Variants in MYO16 observed in about 807,000 individuals in gnomAD.
The protein encoded by MYO16 is unconventional myosin-XVI.
Under a neutral mutation model 205.3 loss-of-function variants are expected in MYO16, and 94 were observed. The observed-to-expected ratio is 0.46, with a 90% CI of 0.39 to 0.54. The LOEUF is 0.54. Among genes scored for constraint, MYO16 ranks in the 20% least tolerant of loss-of-function variants. The pLI, the probability that MYO16 is intolerant of heterozygous loss-of-function variation, is 0.00. For synonymous variants in MYO16, 988 were observed against 954.0 expected (o/e 1.04, Z -0.66); for missense variants, 2,315 against 2,387.5 (o/e 0.97, Z 0.63).
At chr13:108,855,358 A>C (rs1042029071) in intron 10 of MYO16, 85 bp from the exon 11 acceptor site, 9 of 654,416 alleles carry the variant, frequency 1.4e-5, no homozygotes, top group Non-Finnish European at 1.7e-5. Flanking sequence ...AATGTTTGAC[A>C]GGTAATTGAA....
At chr13:108,549,628 T>G in the MYO16 span, among the ~76,000 whole-genome samples, 3 of 152,130 alleles carry the variant, frequency 2.0e-5, no homozygotes, top group African/African-American at 7.2e-5. Flanking sequence ...TTATGTTAAA[T>G]GCATGTGTGA....
chr13:108,952,260 G>A (rs61968657), intron 16 of MYO16, among the ~76,000 whole-genome samples: 3,931 of 152,158 alleles, frequency 0.026, 72 homozygotes, highest in Middle Eastern at 0.085. Flanking sequence ...TGAAATGTAG[G>A]AGGCTTTAGG....
At chr13:109,006,452 C>T (rs1460536844) in intron 21 of MYO16, among the ~76,000 whole-genome samples, 1 of 152,138 alleles carries the variant, frequency 6.6e-6, no homozygotes. Context: ...ATTGGTCAGA[C>T]TGGTCTCGAA....
At chr13:109,182,543 A>T (rs560065681) in intron 34 of MYO16, among the ~76,000 whole-genome samples, 1 of 152,174 alleles carries the variant, frequency 6.6e-6, no homozygotes, top group African/African-American at 2.4e-5. Flanking sequence ...TAGCCTTCCA[A>T]TGAAGCCTCT....
At chr13:109,144,588 C>G (rs1877244628) in intron 32 of MYO16, among the ~76,000 whole-genome samples, 1 of 152,176 alleles carries the variant, frequency 6.6e-6, no homozygotes, top group African/African-American at 2.4e-5. Flanking sequence ...AAATCTTTTA[C>G]TTTACCTTCT....
intron 27 of MYO16, among the ~76,000 whole-genome samples, chr13:109,061,048 G>T (rs1929298): frequency 6.6e-6 from 1 of 151,924 alleles, no homozygotes; most frequent in African/African-American, 2.4e-5. Context: ...GAGACAGTTT[G>T]TTTCCTCAAA....
Position 109,140,613 on chromosome 13 carries a change from G to C in MYO16, c.4401G>C (p.Pro1467=). 1 of 1,518,282 alleles carries C rather than the reference G, an allele frequency of 6.6e-7. No homozygotes were observed. Among genetic ancestry groups the C allele is most frequent in the Non-Finnish European group, 8.8e-7 (1 of 1,138,670 alleles). The allele number at this position is 1,518,282 out of a possible 1,614,324, so 94.1% of individuals were successfully genotyped here. ...GTTGCCTGCCCGACGACGGCGGCCC[G>C]GGCGCGGGCTCCTTCCTGCTCCACG... ...MKCCLPDDGG[P]GAGSFLLHGA... Residue 1467 remains proline (P), a synonymous_variant, in exon 32 of 35, where the codon CCG becomes CCC. Coordinates refer to ENST00000457511, the MANE Select transcript of MYO16 (RefSeq NM_001198950.3). This position sits in a 1 kb window ranked among gnomAD's most constrained non-coding sequence, Gnocchi z 8.0.
intron 1 of MYO16, among the ~76,000 whole-genome samples, chr13:108,613,456 C>T (rs1401962143): frequency 6.6e-6 from 1 of 152,018 alleles, no homozygotes. Flanking sequence ...GTGTAAGAAG[C>T]CACCTTCAAA....
At chr13:108,529,268 G>A in the MYO16 span, among the ~76,000 whole-genome samples, 1 of 152,086 alleles carries the variant, frequency 6.6e-6, no homozygotes, top group African/African-American at 2.4e-5. Flanking sequence ...AGGGCATTCA[G>A]AGCAGGTAGA....
In MYO16 at chr13:109,009,015, G is replaced by A. The variant is rs775364894; in HGVS notation, c.2561G>A (p.Gly854Asp). 1.6e-5 allele frequency: 25 copies of A among 1,602,014 alleles called. No homozygotes were observed. Among genetic ancestry groups the A allele is most frequent in the African/African-American group, 1.3e-4 (10 of 74,310 alleles). ...ACCATGGAAACAGCATATTCTCCTG[G>A]TAACCAGAATGGAGTTTTGGACTTT... ...GVTMETAYSP[G>D]NQNGVLDFFF... The change falls in exon 22 of 35, where the codon GGT (glycine) becomes GAT (aspartate). Residue 854 changes from glycine (G) to aspartate (D), a missense_variant. Gly to Asp is a moderately conservative substitution (Grantham distance 94). This residue lies in a region of MYO16 where 1,213 missense variants were observed against 1,274.4 expected (regional missense o/e 0.95). Transcript: ENST00000457511.
chr13:108,535,486 C>T, the MYO16 span, among the ~76,000 whole-genome samples: 2 of 152,146 alleles, frequency 1.3e-5, no homozygotes, highest in African/African-American at 4.8e-5. Context: ...CACATTTTAA[C>T]TTTCAAGGTT....
chr13:109,012,779 GTATA>G (rs113007743), intron 22 of MYO16, among the ~76,000 whole-genome samples: 2,535 of 146,634 alleles, frequency 0.017, 76 homozygotes, highest in African/African-American at 0.06. Flanking sequence ...ATGTGTGTGT[GTATA>G]TATATATATA....
intron 33 of MYO16, among the ~76,000 whole-genome samples, chr13:109,176,577 T>A (rs1594160956): frequency 1.6e-4 from 7 of 44,950 alleles, no homozygotes; most frequent in African/African-American, 2.7e-4. Flanking sequence ...ATTGTGCTGG[T>A]AAAAAAAAAA....
At chr13:109,051,866 C>A (rs184959788) in intron 24 of MYO16, among the ~76,000 whole-genome samples, 30 of 152,236 alleles carry the variant, frequency 2.0e-4, no homozygotes, top group Non-Finnish European at 3.1e-4. Context: ...CAGGTACTTA[C>A]AGACGGCTCT....
chr13:109,096,454 G>C (rs542079198), intron 27 of MYO16, among the ~76,000 whole-genome samples: 10 of 152,118 alleles, frequency 6.6e-5, no homozygotes, highest in Non-Finnish European at 1.5e-4. Flanking sequence ...TATCTTTGGC[G>C]GGGGGACACA....
At chr13:109,085,148 G>A (rs1888400581) in intron 27 of MYO16, among the ~76,000 whole-genome samples, 1 of 152,128 alleles carries the variant, frequency 6.6e-6, no homozygotes, top group African/African-American at 2.4e-5. Flanking sequence ...ACACAGCAAG[G>A]ACTGCCACAT....
chr13:108,986,373 G>A (rs1241004895), intron 20 of MYO16, among the ~76,000 whole-genome samples: 1 of 152,034 alleles, frequency 6.6e-6, no homozygotes, highest in African/African-American at 2.4e-5. Flanking sequence ...TGTAATCCCA[G>A]CACTTAAGGG....
At chr13:108,716,931 T>A (rs1883966044) in intron 3 of MYO16, among the ~76,000 whole-genome samples, 1 of 152,192 alleles carries the variant, frequency 6.6e-6, no homozygotes, top group Non-Finnish European at 1.5e-5. Flanking sequence ...CCACCATTTA[T>A]TGAATGCATG....
At chr13:109,026,831 C>G (rs1057088786) in intron 23 of MYO16, among the ~76,000 whole-genome samples, 3 of 152,102 alleles carry the variant, frequency 2.0e-5, no homozygotes, top group Admixed American at 6.6e-5. Context: ...ATAATGATTC[C>G]TGAAGCTTGC....
Sources: allele counts gnomAD v4.1 joint callset (sites outside exome capture counted in the v4.1 genomes callset), GRCh38; gene constraint gnomAD v4.1.1; regional missense constraint gnomAD v4.1.1; non-coding constraint Gnocchi (gnomAD v3.1); transcripts MANE v1.5; gene names NCBI Gene and HGNC (gene_info 2026-07-23, HGNC 2026-07-21).